SUSD1: variants seen among roughly 807,000 people sequenced by gnomAD.
The protein encoded by SUSD1 is sushi domain-containing protein 1.
In SUSD1, 65 loss-of-function variants were observed where a neutral mutation model predicts 86.9. The observed-to-expected ratio is 0.75, with a 90% CI of 0.61 to 0.92. The LOEUF (loss-of-function observed/expected upper bound fraction) is 0.92. Among genes scored for constraint, SUSD1 ranks in the 40% least tolerant of loss-of-function variants. The probability of loss-of-function intolerance (pLI) is 0.00; values close to 1 mark genes in which losing one functional copy is unlikely to be tolerated. For missense variants in SUSD1, 850 were observed against 929.7 expected (o/e 0.91, Z 1.11); for synonymous variants, 346 against 350.0 (o/e 0.99, Z 0.13).
chr9:112,054,243 G>A (rs1036915361), intron 14 of SUSD1, among the ~76,000 whole-genome samples: 1 of 152,168 alleles, frequency 6.6e-6, no homozygotes, highest in Non-Finnish European at 1.5e-5. Flanking sequence ...TTGCATATAT[G>A]TCAAATAATA....
chr9:112,090,922 A>G (rs1344126463), intron 10 of SUSD1, among the ~76,000 whole-genome samples: 5 of 152,170 alleles, frequency 3.3e-5, no homozygotes, highest in Admixed American at 3.3e-4. Flanking sequence ...AAAGAATGAG[A>G]TGAATCTATT....
chr9:112,053,862 T>C (rs1828332762), intron 14 of SUSD1, among the ~76,000 whole-genome samples: 1 of 152,106 alleles, frequency 6.6e-6, no homozygotes, highest in Non-Finnish European at 1.5e-5. Context: ...CAGAAAGATG[T>C]GGTAGAAAAG....
intron 5 of SUSD1, 129 bp downstream of exon 5, chr9:112,142,191 A>G (rs1832605497): frequency 2.7e-6 from 2 of 731,434 alleles, no homozygotes; most frequent in Non-Finnish European, 4.1e-6. Context: ...CTGAAAATCT[A>G]TGAGAAACAA....
At chr9:112,133,358 C>T (rs1311792528) in intron 5 of SUSD1, among the ~76,000 whole-genome samples, 2 of 152,190 alleles carry the variant, frequency 1.3e-5, no homozygotes, top group Admixed American at 1.3e-4. Context: ...GGTACTGGTA[C>T]ATAGGCCAAT....
At chr9:112,073,282 T>A (rs535998156) in intron 12 of SUSD1, among the ~76,000 whole-genome samples, 20 of 152,222 alleles carry the variant, frequency 1.3e-4, no homozygotes, top group South Asian at 4.1e-4. Context: ...CTTGAAGAAG[T>A]TGCCAGCCTT....
intron 12 of SUSD1, among the ~76,000 whole-genome samples, chr9:112,074,479 C>G (rs1240941290): frequency 6.6e-6 from 1 of 152,196 alleles, no homozygotes; most frequent in African/African-American, 2.4e-5. Context: ...ACACTTGCCT[C>G]TGTCCCTCAA....
intron 6 of SUSD1, among the ~76,000 whole-genome samples, chr9:112,119,442 A>G (rs1362735571): frequency 3.3e-5 from 5 of 152,226 alleles, no homozygotes; most frequent in Non-Finnish European, 5.9e-5. Flanking sequence ...ACAGAGGCCA[A>G]CAGGAGTCCT....
chr9:112,164,017 T>A (rs556626601), intron 1 of SUSD1, among the ~76,000 whole-genome samples: 76 of 150,326 alleles, frequency 5.1e-4, no homozygotes, highest in African/African-American at 1.7e-3. Context: ...AAAATAAAAA[T>A]AAAAAAAATA....
chr9:112,166,177 T>C (rs1833821445), intron 1 of SUSD1, among the ~76,000 whole-genome samples: 1 of 152,194 alleles, frequency 6.6e-6, no homozygotes, highest in Admixed American at 6.5e-5. Context: ...GGGGTGCTTA[T>C]TATTCAGCCG....
chr9:112,066,463 CAG>C (rs1019273528), intron 12 of SUSD1, among the ~76,000 whole-genome samples: 1 of 152,124 alleles, frequency 6.6e-6, no homozygotes, highest in Non-Finnish European at 1.5e-5. Context: ...CCTTACAGCA[CAG>C]AGAGTGGCAA....
At chr9:112,088,013 T>TCAGGCTG (rs1342013837) in intron 10 of SUSD1, among the ~76,000 whole-genome samples, 1 of 152,106 alleles carries the variant, frequency 6.6e-6, no homozygotes, top group Non-Finnish European at 1.5e-5. Flanking sequence ...GGCAAAAGAA[T>TCAGGCTG]CAGGCTGCAT....
chr9:112,062,997 T>G lies in SUSD1; in HGVS notation c.1790A>C (p.His597Pro). ...PLPEVEFFTVHRGPLPRLRLR... is the reference protein window; with the variant it reads ...PLPEVEFFTVPRGPLPRLRLR... ...TCTGAGGCGTGGTAGAGGTCCTCTGTGCACCGTAAAAAATTCTACTTCCGG... is the reference window on the plus strand; with the variant it reads ...TCTGAGGCGTGGTAGAGGTCCTCTGGGCACCGTAAAAAATTCTACTTCCGG... The change falls in exon 13 of 17, where the codon CAC becomes CCC. Residue 597 changes from histidine to proline, a missense_variant. Transcript: ENST00000374270. 1 of 1,613,662 alleles carries G rather than the reference T, an allele frequency of 6.2e-7. No individual in the cohort carries two copies. Among genetic ancestry groups the G allele is most frequent in the East Asian group, 2.2e-5 (1 of 44,880 alleles).
At chr9:112,060,444 T>C (rs1828667659) in intron 13 of SUSD1, among the ~76,000 whole-genome samples, 1 of 152,182 alleles carries the variant, frequency 6.6e-6, no homozygotes, top group Non-Finnish European at 1.5e-5. Context: ...TTTGTATTTT[T>C]AGTAGAGATG....
intron 14 of SUSD1, 92 bp downstream of exon 14, chr9:112,058,336 C>T: frequency 6.9e-7 from 1 of 1,453,758 alleles, no homozygotes. Context: ...TGCAGTGACC[C>T]TCTCATATAC....
chr9:112,157,730 C>A (rs1188163935), intron 1 of SUSD1, 117 bp from the exon 2 acceptor site: 2 of 642,792 alleles, frequency 3.1e-6, no homozygotes, highest in Non-Finnish European at 5.4e-6. Flanking sequence ...CAGGACACAC[C>A]TAGTCTCATC....
intron 10 of SUSD1, among the ~76,000 whole-genome samples, chr9:112,096,475 T>C (rs1830398766): frequency 6.6e-6 from 1 of 152,162 alleles, no homozygotes; most frequent in South Asian, 2.1e-4. Context: ...AGATGTAGGA[T>C]AGAAAAAACT....
At chr9:112,079,442 T>C (rs970054445) in intron 11 of SUSD1, among the ~76,000 whole-genome samples, 1 of 152,114 alleles carries the variant, frequency 6.6e-6, no homozygotes, top group African/African-American at 2.4e-5. Context: ...ATTAGAATAC[T>C]CGTAGCTGGT....
chr9:112,145,178 A>G (rs890283473), intron 3 of SUSD1, among the ~76,000 whole-genome samples: 1 of 152,200 alleles, frequency 6.6e-6, no homozygotes, highest in Non-Finnish European at 1.5e-5. Flanking sequence ...ACATTGGCAT[A>G]AAAACATCAG....
intron 13 of SUSD1, 42 bp from the exon 14 acceptor site, chr9:112,058,728 G>C (rs1266684053): frequency 6.3e-7 from 1 of 1,597,886 alleles, no homozygotes; most frequent in Non-Finnish European, 8.5e-7. Context: ...CCCTTGCATG[G>C]GGAGTTCATT....
Sources: gnomAD v4.1 joint callset for allele counts (sites outside exome capture counted in the v4.1 genomes callset) on GRCh38, gnomAD v4.1.1 for gene constraint, MANE v1.5 for transcripts, NCBI Gene and HGNC (gene_info 2026-07-23, HGNC 2026-07-21) for gene names.